Variants in SARS1 observed in about 807,000 individuals in gnomAD.
The protein encoded by SARS1 is seryl-tRNA synthetase 1, also known as serine--tRNA ligase, cytoplasmic.
SARS1 carries 25 observed loss-of-function variants against 63.7 expected under a neutral mutation model. The observed-to-expected ratio is 0.39, with a 90% CI of 0.29 to 0.55. The LOEUF is 0.55. Among genes scored for constraint, SARS1 ranks in the 20% least tolerant of loss-of-function variants. The pLI, the probability that SARS1 is intolerant of heterozygous loss-of-function variation, is 0.62. For synonymous variants in SARS1, 231 were observed against 243.5 expected, an observed-to-expected ratio of 0.95 and a Z score of 0.48; for missense variants, 417 against 649.7, an observed-to-expected ratio of 0.64 and a Z score of 3.89.
At chr1:109,227,140 G>A (rs778038245) in intron 2 of SARS1, among the ~76,000 whole-genome samples, 23 of 151,634 alleles carry the variant, frequency 1.5e-4, no homozygotes, top group Non-Finnish European at 3.1e-4. Context: ...GATTACAGGT[G>A]TCTGCTACCG....
chr1:109,237,440 C>T lies in SARS1; in HGVS notation c.1387+67C>T. The T allele has an allele frequency of 1.2e-6, 2 of 1,605,360 alleles. No homozygotes were observed. Among genetic ancestry groups the T allele is most frequent in the Non-Finnish European group, 8.5e-7 (1 of 1,174,076 alleles). On this transcript the variant is annotated intron_variant, in intron 10 of 10. Transcript: ENST00000234677. The surrounding 1 kb of genome is among the most constrained non-coding windows in gnomAD (Gnocchi z 4.1). ...CTTCACACTCTTCTAAATAGCAGTC[C>T]CCTTTCAGGATATACCAGGTTTTTT...
intron 6 of SARS1, among the ~76,000 whole-genome samples, chr1:109,233,566 A>G (rs1655249752): frequency 6.6e-6 from 1 of 152,054 alleles, no homozygotes; most frequent in Non-Finnish European, 1.5e-5. Context: ...CCATTGACCT[A>G]ATATAACAAT....
At chr1:109,222,010 A>G (rs1025382406) in intron 1 of SARS1, among the ~76,000 whole-genome samples, 3 of 21,208 alleles carry the variant, frequency 1.4e-4, no homozygotes, top group Middle Eastern at 0.042. Flanking sequence ...ATATATATAT[A>G]TTTTTTTTTT....
intron 1 of SARS1, among the ~76,000 whole-genome samples, chr1:109,221,960 T>TTTTTTTTTG (rs771565091): frequency 5.0e-4 from 5 of 10,076 alleles, no homozygotes; most frequent in African/African-American, 7.3e-4. Flanking sequence ...GCTAATTTTT[T>TTTTTTTTTG]TGTGTGTGTG....
At position 109,237,051 on chromosome 1, in the gene SARS1, T is replaced by A; in HGVS notation, c.1258-193T>A. 1 of 1,231,552 alleles carries A rather than the reference T, an allele frequency of 8.1e-7. No individual in the cohort carries two copies. Among genetic ancestry groups the A allele is most frequent in the East Asian group, 2.6e-5 (1 of 38,856 alleles). 76.3% of individuals were successfully genotyped at this position (1,231,552 alleles called of 1,614,324 possible). On this transcript the variant is annotated intron_variant, in intron 9 of 10. Transcript: ENST00000234677. The surrounding 1 kb of genome is among the most constrained non-coding windows in gnomAD (Gnocchi z 4.1). ...TCACTCATCGAAACATGAGGGATCT[T>A]TCTGCAGTTATCTAATAGGCAATAA...
Position 109,229,583 on chromosome 1 carries a change from G to GT in SARS1, c.447+12dup, listed in dbSNP as rs760079041. 2 of 1,606,288 alleles carry GT rather than the reference G, an allele frequency of 1.2e-6. No individual in the cohort carries two copies. Among genetic ancestry groups the GT allele is most frequent in the East Asian group, 4.5e-5 (2 of 44,716 alleles). On this transcript the variant is annotated intron_variant, in intron 4 of 10. Transcript: ENST00000234677. ...ATCAGTAACGATGAGGTAGGTGGCT[G>GT]TGCCGCAGCAGGAGGCTGCCTTAGG...
chr1:109,221,736 A>G (rs1023324104), intron 1 of SARS1, among the ~76,000 whole-genome samples: 5 of 152,094 alleles, frequency 3.3e-5, no homozygotes, highest in African/African-American at 1.2e-4. Flanking sequence ...GAAATTAAAA[A>G]CAATGAAGGG....
intron 6 of SARS1, among the ~76,000 whole-genome samples, chr1:109,234,403 C>T (rs934468457): frequency 1.3e-5 from 2 of 151,526 alleles, no homozygotes; most frequent in Non-Finnish European, 2.9e-5. Context: ...TATAATATTA[C>T]ATAAATAATG....
Position 109,237,016 on chromosome 1 carries a change from C to T in SARS1, c.1258-228C>T. ...GGCCCAACTCTCAGAATACCAGAAG[C>T]TACCACTTGTCACTCATCGAAACAT... On this transcript the variant is annotated intron_variant, in intron 9 of 10. Transcript: ENST00000234677. The surrounding 1 kb of genome is among the most constrained non-coding windows in gnomAD (Gnocchi z 4.1). 7.7e-7 allele frequency: 1 copy of T among 1,293,740 alleles called. No individual in the cohort carries two copies. The highest frequency in any genetic ancestry group is 1.0e-6 in the Non-Finnish European group (1 of 959,350). The allele number at this position is 1,293,740 out of a possible 1,614,324, so 80.1% of individuals were successfully genotyped here.
Position 109,213,931 on chromosome 1 carries a change from C to T in SARS1, c.-62C>T, listed in dbSNP as rs997411755. On this transcript the variant is annotated 5_prime_UTR_variant, in exon 1 of 11. Coordinates refer to ENST00000234677, the MANE Select transcript of SARS1 (RefSeq NM_006513.4). ...CAGCGCGCCGGCGCAGTGCGGCGGT[C>T]ACAGGCTGAGTGCTGCGGCGCGATC... The T allele has an allele frequency of 6.5e-7, 1 of 1,527,500 alleles. No homozygotes were observed. Among genetic ancestry groups the T allele is most frequent in the Non-Finnish European group, 8.8e-7 (1 of 1,134,152 alleles). 94.6% of individuals were successfully genotyped at this position (1,527,500 alleles called of 1,614,324 possible).
rs55823508 is a variant in SARS1, at chr1:109,231,068, A to AAT, written c.591+62_591+63dup. Reference sequence around the variant, plus strand: ...GGATAGGATTATGAAAAAGAAACAAAATATATATATATATATTTTTTTTTT... The same window carrying AAT: ...GGATAGGATTATGAAAAAGAAACAAAATATATATATATATATATTTTTTTTTT... On this transcript the variant is annotated intron_variant, in intron 5 of 10. Coordinates refer to ENST00000234677, the MANE Select transcript of SARS1 (RefSeq NM_006513.4). 4.9e-4 allele frequency: 452 copies of AAT among 930,864 alleles called. 3 individuals are homozygous for AAT. Among genetic ancestry groups the AAT allele is most frequent in the South Asian group, 7.2e-4 (14 of 19,430 alleles). 57.7% of individuals were successfully genotyped at this position (930,864 alleles called of 1,614,324 possible). A position where few individuals can be genotyped will look rare whatever the true frequency, so the allele number is the denominator to read the frequency against.
intron 2 of SARS1, 42 bp from the exon 3 acceptor site, chr1:109,228,310 T>G (rs1431642590): frequency 7.2e-7 from 1 of 1,397,850 alleles, no homozygotes; most frequent in South Asian, 1.2e-5. Flanking sequence ...TGCCAGAGAT[T>G]TTCTTTTATT....
At chr1:109,219,139 G>A (rs570072534) in intron 1 of SARS1, among the ~76,000 whole-genome samples, 10 of 150,472 alleles carry the variant, frequency 6.6e-5, no homozygotes, top group Admixed American at 6.0e-4. Context: ...GGTGGCGGGC[G>A]CCTGTAGTCC....
Position 109,235,564 on chromosome 1 carries a change from G to A in SARS1, c.969+133G>A. The stretch of plus-strand genomic sequence containing the variant: ...TCTCATTGCTTACCTCTGTGTTTCT[G>A]GGGAAGTGCATGGTGGAGTGGCGTG... On this transcript the variant is annotated intron_variant, in intron 7 of 10. Transcript: ENST00000234677. The surrounding 1 kb of genome is among the most constrained non-coding windows in gnomAD (Gnocchi z 4.7). The A allele has an allele frequency of 6.6e-6, 5 of 758,042 alleles. No homozygotes were observed. The highest frequency in any genetic ancestry group is 1.1e-5 in the Non-Finnish European group (5 of 468,970). 47.0% of individuals were successfully genotyped at this position (758,042 alleles called of 1,614,324 possible). A position where few individuals can be genotyped will look rare whatever the true frequency, so the allele number is the denominator to read the frequency against.
rs1654749210 is a variant in SARS1 at position 109,214,876 on chromosome 1, G to A, written c.136+748G>A. On this transcript the variant is annotated intron_variant, in intron 1 of 10. Coordinates refer to ENST00000234677, the MANE Select transcript of SARS1 (RefSeq NM_006513.4). The surrounding 1 kb of genome is among the most constrained non-coding windows in gnomAD (Gnocchi z 4.6). ...AACTGCCGGATCTTGGAGTCATATC[G>A]GGCATCTATCATGAAGCCGAATAAA... 2 of 985,384 alleles carry A rather than the reference G, an allele frequency of 2.0e-6. No individual in the cohort carries two copies. The highest frequency in any genetic ancestry group is 4.7e-5 in the South Asian group (1 of 21,280). The allele number at this position is 985,384 out of a possible 1,614,324, so 61.0% of individuals were successfully genotyped here.
In SARS1 at chr1:109,220,372, C is replaced by T. The variant is rs111697395; in HGVS notation, c.137-3606C>T. On this transcript the variant is annotated intron_variant, in intron 1 of 10. Coordinates refer to ENST00000234677, the MANE Select transcript of SARS1 (RefSeq NM_006513.4). ...GAGTTCCAGTTGCTTGGCATTCTTG[C>T]CAGTACTTGACATTGGCAGTCCTTT... is the stretch of plus-strand genomic sequence containing the variant. Among the ~76,000 whole-genome samples, 9 of 152,338 alleles carry T rather than the reference C, an allele frequency of 5.9e-5. No homozygotes were observed. The East Asian group carries it at 9.6e-4, about 16-fold the overall frequency.
At position 109,238,075 on chromosome 1, in the gene SARS1, C is replaced by A. The variant is rs374039692; in HGVS notation, c.*187C>A. 6.3e-6 allele frequency: 4 copies of A among 637,406 alleles called. No homozygotes were observed. Among genetic ancestry groups the A allele is most frequent in the South Asian group, 4.2e-5 (2 of 48,152 alleles). 39.5% of individuals were successfully genotyped at this position (637,406 alleles called of 1,614,324 possible). On this transcript the variant is annotated 3_prime_UTR_variant, in exon 11 of 11. Coordinates refer to ENST00000234677, the MANE Select transcript of SARS1 (RefSeq NM_006513.4). Reference sequence around the variant, plus strand: ...TCCTCGCATGGGCATAGGGACCCATCATTGATGACTGATGAAACCATGTAA... The same window carrying A: ...TCCTCGCATGGGCATAGGGACCCATAATTGATGACTGATGAAACCATGTAA...
Position 109,237,054 on chromosome 1 carries a change from TG to T in SARS1, c.1258-189del, listed in dbSNP as rs1245864365. The stretch of plus-strand genomic sequence containing the variant: ...CTCATCGAAACATGAGGGATCTTTC[TG>T]CAGTTATCTAATAGGCAATAAATAC... On this transcript the variant is annotated intron_variant, in intron 9 of 10. Coordinates refer to ENST00000234677, the MANE Select transcript of SARS1 (RefSeq NM_006513.4). The surrounding 1 kb of genome is among the most constrained non-coding windows in gnomAD (Gnocchi z 4.1). 2.5e-6 allele frequency: 3 copies of T among 1,221,766 alleles called. No individual in the cohort carries two copies. The Admixed American group carries it at 8.9e-5, about 36-fold the overall frequency. 75.7% of individuals were successfully genotyped at this position (1,221,766 alleles called of 1,614,324 possible).
rs1165024792 is a variant in SARS1 at position 109,235,594 on chromosome 1, A to G, written c.969+163A>G. Among the ~76,000 whole-genome samples the G allele has an allele frequency of 6.6e-6, 1 of 152,104 alleles. No individual in the cohort carries two copies. Among genetic ancestry groups the G allele is most frequent in the East Asian group, 1.9e-4 (1 of 5,192 alleles). On this transcript the variant is annotated intron_variant, in intron 7 of 10. Transcript: ENST00000234677. The surrounding 1 kb of genome is among the most constrained non-coding windows in gnomAD (Gnocchi z 4.7). ...AGTGCATGGTGGAGTGGCGTGGATT[A>G]TGGACCCTGAAACCAGGCTGCGGCT...
Sources: gnomAD v4.1 joint callset for allele counts (sites outside exome capture counted in the v4.1 genomes callset) on GRCh38, gnomAD v4.1.1 for gene constraint, Gnocchi (gnomAD v3.1) non-coding constraint, MANE v1.5 for transcripts, NCBI Gene and HGNC (gene_info 2026-07-23, HGNC 2026-07-21) for gene names.